ERBB2: variants seen among roughly 807,000 people sequenced by gnomAD.
ERBB2 encodes erb-b2 receptor tyrosine kinase 2.
In ERBB2, 61 loss-of-function variants were observed where a neutral mutation model predicts 149.0. That is an observed-to-expected ratio of 0.41 (90% confidence interval 0.33 to 0.51). The LOEUF (loss-of-function observed/expected upper bound fraction) is 0.51, where lower values mean the gene tolerates loss of function less well. ERBB2 is among the 20% of genes least tolerant of loss of function. ERBB2 has a pLI of 0.25. For synonymous variants in ERBB2, 633 were observed against 678.8 expected, an observed-to-expected ratio of 0.93 and a Z score of 1.05; for missense variants, 1,205 against 1,655.1, an observed-to-expected ratio of 0.73 and a Z score of 4.72.
In ERBB2 at chr17:39,712,303, C is replaced by G. The variant is rs765690285; in HGVS notation, c.1022-19C>G. On this transcript the variant is annotated intron_variant, in intron 8 of 26. Transcript: ENST00000269571. ...GAAGGCTGAGACGGCCCCTTCCCCA[C>G]CCACCCCCACCTCCTCAGTGTGCTA... The G allele has an allele frequency of 1.2e-6, 2 of 1,610,022 alleles. No individual in the cohort carries two copies. Among genetic ancestry groups the G allele is most frequent in the South Asian group, 2.2e-5 (2 of 90,866 alleles).
chr17:39,700,965 G>A (rs973571879), intron 1 of ERBB2, among the ~76,000 whole-genome samples: 1 of 149,818 alleles, frequency 6.7e-6, no homozygotes, highest in Non-Finnish European at 1.5e-5. Flanking sequence ...GATTCTTGGG[G>A]CCAGCTTAGG....
chr17:39,698,161 C>A (rs2057911423), upstream of ERBB2, among the ~76,000 whole-genome samples: 1 of 152,120 alleles, frequency 6.6e-6, no homozygotes, highest in Non-Finnish European at 1.5e-5. Context: ...TTAACCCCAG[C>A]ATAGTATGTC....
rs2145848439 is a variant in ERBB2 at position 39,724,759 on chromosome 17, T to A, written c.2341T>A (p.Tyr781Asn). Residue 781 changes from tyrosine (Y) to asparagine (N), a missense_variant, in exon 20 of 27, where the codon TAT becomes AAT. By Grantham distance (143) the Tyr-to-Asn change is moderately radical (BLOSUM62 -2). Transcript: ENST00000269571. ...CGTGATGGCTGGTGTGGGCTCCCCA[T>A]ATGTCTCCCGCCTTCTGGGCATCTG... ...AYVMAGVGSP[Y>N]VSRLLGICLT... 1 of 1,614,154 alleles carries A rather than the reference T, an allele frequency of 6.2e-7. No individual in the cohort carries two copies. The highest frequency in any genetic ancestry group is 8.5e-7 in the Non-Finnish European group (1 of 1,180,016).
Position 39,727,645 on chromosome 17 carries a change from CG to C in ERBB2, c.3413-40del. On this transcript the variant is annotated intron_variant, in intron 26 of 26. Coordinates refer to ENST00000269571, the MANE Select transcript of ERBB2 (RefSeq NM_004448.4). The surrounding 1 kb of genome is among the most constrained non-coding windows in gnomAD (Gnocchi z 4.3). ...GGGGCAGAGGGAGTGGCAGAGACAC[CG>C]GGGTTCCTTCCCCTAATGGGTCACC... 2 of 1,548,272 alleles carry C rather than the reference CG, an allele frequency of 1.3e-6. 1 individual carries two copies. Among genetic ancestry groups the C allele is most frequent in the South Asian group, 2.5e-5 (2 of 81,598 alleles).
upstream of ERBB2, chr17:39,694,546 T>G (rs2057818206): frequency 6.6e-6 from 1 of 151,514 alleles, no homozygotes; most frequent in Non-Finnish European, 1.5e-5. Context: ...TTGATAGATC[T>G]TAAAGAATGA....
intron 2 of ERBB2, chr17:39,688,910 C>G (rs1056632912): frequency 6.6e-6 from 1 of 152,356 alleles, no homozygotes; most frequent in Non-Finnish European, 1.5e-5. Flanking sequence ...TGGTTCTGCA[C>G]TGAGATCGGA....
upstream of ERBB2, among the ~76,000 whole-genome samples, chr17:39,693,933 C>T (rs1293289377): frequency 6.7e-6 from 1 of 149,734 alleles, no homozygotes; most frequent in Non-Finnish European, 1.5e-5. Context: ...TGCCCATAAT[C>T]CCAGCACTTT....
intron 3 of ERBB2, 143 bp from the exon 4 acceptor site, chr17:39,709,175 G>C: frequency 1.1e-6 from 1 of 925,268 alleles, no homozygotes; most frequent in East Asian, 2.4e-5. Flanking sequence ...ACTCAAAGAC[G>C]GTAAAGATAG....
chr17:39,709,576 C>A, intron 4 of ERBB2, 124 bp downstream of exon 4: 2 of 1,121,680 alleles, frequency 1.8e-6, no homozygotes, highest in Non-Finnish European at 1.3e-6. Context: ...CATTTCCTCC[C>A]TCTCTGTCCC....
rs71149796 is a variant in ERBB2, at chr17:39,724,272, A to ATTTTT, written c.2307+274_2307+278dup. Among the ~76,000 whole-genome samples, 25 of 77,010 alleles carry ATTTTT rather than the reference A, an allele frequency of 3.2e-4. 3 individuals carry two copies. The highest frequency in any genetic ancestry group is 2.4e-3 in the South Asian group (4 of 1,672). 50.5% of individuals were successfully genotyped at this position (77,010 alleles called of 152,430 possible). ...TAGCTGGGATTACAAGCGCCCGCTA[A>ATTTTT]TTTTTTTTTTTTTTTTGAGACAGAG... On this transcript the variant is annotated intron_variant, in intron 19 of 26. Transcript: ENST00000269571.
At position 39,724,272 on chromosome 17, in the gene ERBB2, A is replaced by ATTTTTTTTTTTTTTTTTTTTTTTTTT. The variant is rs71149796; in HGVS notation, c.2307+278_2307+279insTTTTTTTTTTTTTTTTTTTTTTTTTT. Among the ~76,000 whole-genome samples, 149 of 76,978 alleles carry ATTTTTTTTTTTTTTTTTTTTTTTTTT rather than the reference A, an allele frequency of 1.9e-3. 43 individuals are homozygous for ATTTTTTTTTTTTTTTTTTTTTTTTTT. The highest frequency in any genetic ancestry group is 0.018 in the Middle Eastern group (2 of 114). The allele number at this position is 76,978 out of a possible 152,430, so 50.5% of individuals were successfully genotyped here. On this transcript the variant is annotated intron_variant, in intron 19 of 26. Coordinates refer to ENST00000269571, the MANE Select transcript of ERBB2 (RefSeq NM_004448.4). Reference sequence around the variant, plus strand: ...TAGCTGGGATTACAAGCGCCCGCTAATTTTTTTTTTTTTTTTGAGACAGAG... The same window carrying ATTTTTTTTTTTTTTTTTTTTTTTTTT: ...TAGCTGGGATTACAAGCGCCCGCTAATTTTTTTTTTTTTTTTTTTTTTTTTTTTTTTTTTTTTTTTTTGAGACAGAG...
chr17:39,703,014 C>T (rs969158940), intron 1 of ERBB2, among the ~76,000 whole-genome samples: 3 of 152,230 alleles, frequency 2.0e-5, no homozygotes, highest in South Asian at 2.1e-4. Flanking sequence ...CTTGTTCAGG[C>T]GAATGACCTT....
At chr17:39,724,114 C>T (rs938784157) in intron 19 of ERBB2, 104 bp downstream of exon 19, 10 of 758,450 alleles carry the variant, frequency 1.3e-5, no homozygotes, top group Admixed American at 2.8e-5. Context: ...ATATGACTCC[C>T]GCAAACCTAG....
At chr17:39,715,211 G>A in intron 9 of ERBB2, 75 bp from the exon 10 acceptor site, 1 of 1,247,148 alleles carries the variant, frequency 8.0e-7, no homozygotes, top group Non-Finnish European at 1.2e-6. Context: ...GGTGGGGAGT[G>A]GCTGGCATGG....
At chr17:39,688,440 A>T (rs1458526003) in intron 1 of ERBB2, among the ~76,000 whole-genome samples, 1 of 152,134 alleles carries the variant, frequency 6.6e-6, no homozygotes, top group African/African-American at 2.4e-5. Flanking sequence ...CCCTGCCTCT[A>T]CTTTTGCCTC....
At position 39,710,194 on chromosome 17, in the gene ERBB2, A is replaced by G. The variant is rs2145506810; in HGVS notation, c.752A>G (p.Asp251Gly). ...AAGCTGPKHS[D>G]CLACLHFNHS... is the part of the protein sequence containing the mutation. The stretch of plus-strand genomic sequence containing the variant: ...GGCTGCACGGGCCCCAAGCACTCTG[A>G]CTGCCTGGTATGTGCCTCTGCTTTG... Residue 251 changes from aspartate (D) to glycine (G), a missense_variant, in exon 6 of 27, where the codon GAC becomes GGC. This residue lies in a region of ERBB2 where 569 missense variants were observed against 803.5 expected (regional missense o/e 0.71). Transcript: ENST00000269571. 6.2e-7 allele frequency: 1 copy of G among 1,612,670 alleles called. No homozygotes were observed.
At chr17:39,708,962 T>A (rs1213918790) in intron 3 of ERBB2, among the ~76,000 whole-genome samples, 2 of 152,084 alleles carry the variant, frequency 1.3e-5, no homozygotes, top group Non-Finnish European at 2.9e-5. Flanking sequence ...CTTGCAGATA[T>A]AAGGGCCAAA....
chr17:39,719,908 A>G (rs2145752939), intron 16 of ERBB2, 74 bp downstream of exon 16: 1 of 1,448,170 alleles, frequency 6.9e-7, no homozygotes, highest in Admixed American at 1.7e-5. Context: ...TCACTGCTGT[A>G]GGGAGGGGAC....
At chr17:39,689,918 GAA>G (rs1183777587) in intron 2 of ERBB2, among the ~76,000 whole-genome samples, 1 of 143,940 alleles carries the variant, frequency 6.9e-6, no homozygotes, top group African/African-American at 2.5e-5. Flanking sequence ...AAAAAAAAAA[GAA>G]AAAGAAAATT....
Sources: allele counts gnomAD v4.1 joint callset (sites outside exome capture counted in the v4.1 genomes callset), GRCh38; gene constraint gnomAD v4.1.1; regional missense constraint gnomAD v4.1.1; non-coding constraint Gnocchi (gnomAD v3.1); transcripts MANE v1.5; gene names NCBI Gene and HGNC (gene_info 2026-07-23, HGNC 2026-07-21).